The following SAMMSON variants were observed in gnomAD, a reference collection of about 807,000 sequenced individuals.
The protein encoded by SAMMSON is long intergenic non-protein coding RNA 1212.
intron 3 of SAMMSON, among the ~76,000 whole-genome samples, chr3:70,039,399 G>T (rs2067097832): frequency 6.6e-6 from 1 of 152,004 alleles, no homozygotes; most frequent in Non-Finnish European, 1.5e-5. Flanking sequence ...GCCTCACCCA[G>T]TCAGTTGAAG....
intron 7 of SAMMSON, among the ~76,000 whole-genome samples, chr3:70,299,122 G>A (rs4408841): frequency 0.21 from 31,571 of 151,972 alleles, 3,472 homozygotes; most frequent in South Asian, 0.28. Flanking sequence ...AAAATGTGAA[G>A]CAGCCTGAAT....
chr3:70,141,406 CT>C (rs1350204552), intron 4 of SAMMSON, among the ~76,000 whole-genome samples: 3 of 152,122 alleles, frequency 2.0e-5, no homozygotes, highest in African/African-American at 4.8e-5. Context: ...GCAAAGTTGC[CT>C]TTTCCCCAGC....
At chr3:70,239,236 TG>T (rs1447467819) in intron 4 of SAMMSON, among the ~76,000 whole-genome samples, 6 of 152,218 alleles carry the variant, frequency 3.9e-5, no homozygotes, top group African/African-American at 1.4e-4. Context: ...ACCTGTATCT[TG>T]TAGATATTGT....
chr3:70,416,910 G>A (rs1226923636), intron 2 of SAMMSON, among the ~76,000 whole-genome samples: 1 of 152,036 alleles, frequency 6.6e-6, no homozygotes, highest in Non-Finnish European at 1.5e-5. Flanking sequence ...CCATTGCTCA[G>A]GGTCTCTGCA....
intron 3 of SAMMSON, among the ~76,000 whole-genome samples, chr3:70,036,488 A>G (rs1256139269): frequency 1.3e-5 from 2 of 152,154 alleles, no homozygotes; most frequent in Admixed American, 1.3e-4. Context: ...ACTCAGCCAC[A>G]GTGATTGTTT....
At position 70,078,014 on chromosome 3, in the gene SAMMSON, C is replaced by T. The variant is rs1013064127; in HGVS notation, n.507+6449C>T. 4.6e-5 allele frequency among the ~76,000 whole-genome samples: 7 copies of T among 152,262 alleles called. No homozygotes were observed. In the East Asian group the frequency reaches 7.7e-4, roughly 17 times the overall value. The stretch of plus-strand genomic sequence containing the variant: ...CCGTTTATCCCTGCTGCAATACTTC[C>T]GTGCATTTCACACACTTAACCTTTA... On this transcript the variant is annotated intron_variant and non_coding_transcript_variant, in intron 4 of 9. Coordinates refer to ENST00000642114, the Ensembl canonical transcript of SAMMSON.
chr3:70,141,288 C>G (rs2106680922), intron 4 of SAMMSON, among the ~76,000 whole-genome samples: 1 of 152,278 alleles, frequency 6.6e-6, no homozygotes, highest in African/African-American at 2.4e-5. Context: ...GCTGCAGGCC[C>G]AAGGAAGTCA....
At position 70,411,123 on chromosome 3, in the gene SAMMSON, G is replaced by T. The variant is rs557581387; in HGVS notation, n.234-51437G>T. ...CATTGATCTACGTAAAATAGCACAG[G>T]TACAGCCTGTAAAGGAGATCTAAAA... On this transcript the variant is annotated intron_variant and non_coding_transcript_variant, in intron 2 of 3. Coordinates refer to the SAMMSON transcript ENST00000641053. Among the ~76,000 whole-genome samples, 3 of 152,248 alleles carry T rather than the reference G, an allele frequency of 2.0e-5. No individual in the cohort carries two copies. The South Asian group carries it at 6.2e-4, about 32-fold the overall frequency.
intron 4 of SAMMSON, among the ~76,000 whole-genome samples, chr3:70,105,286 A>G (rs1234200207): frequency 6.6e-6 from 1 of 152,210 alleles, no homozygotes; most frequent in African/African-American, 2.4e-5. Context: ...ATTTTTCACC[A>G]TTAGTCTGCC....
At chr3:70,049,026 C>T (rs756391951) in intron 3 of SAMMSON, among the ~76,000 whole-genome samples, 1 of 152,110 alleles carries the variant, frequency 6.6e-6, no homozygotes, top group Non-Finnish European at 1.5e-5. Context: ...TCATTTTGCT[C>T]TGTATTTTCT....
chr3:70,078,948 T>G (rs1000187611), intron 4 of SAMMSON, among the ~76,000 whole-genome samples: 1 of 152,174 alleles, frequency 6.6e-6, no homozygotes, highest in African/African-American at 2.4e-5. Context: ...ATGGACTAAA[T>G]CTGACCCACT....
intron 4 of SAMMSON, among the ~76,000 whole-genome samples, chr3:70,082,635 T>G (rs185940576): frequency 1.3e-5 from 2 of 152,276 alleles, no homozygotes; most frequent in Non-Finnish European, 2.9e-5. Context: ...GGAAAAAATG[T>G]GGAGTGGTAT....
At chr3:70,281,876 C>G (rs557802397) in intron 6 of SAMMSON, among the ~76,000 whole-genome samples, 41 of 152,234 alleles carry the variant, frequency 2.7e-4, no homozygotes, top group African/African-American at 9.9e-4. Flanking sequence ...TTCATCATAC[C>G]TTGGGTGAGG....
At chr3:70,016,150 C>T (rs1338678078) in intron 3 of SAMMSON, among the ~76,000 whole-genome samples, 1 of 152,198 alleles carries the variant, frequency 6.6e-6, no homozygotes, top group Non-Finnish European at 1.5e-5. Flanking sequence ...CTGTCTTCCA[C>T]AATGGATGAA....
chr3:70,266,797 T>C (rs955811104), intron 6 of SAMMSON, among the ~76,000 whole-genome samples: 2 of 152,148 alleles, frequency 1.3e-5, no homozygotes, highest in African/African-American at 4.8e-5. Context: ...ATGAATCAGC[T>C]TCAAAGCAAA....
At chr3:70,329,429 T>C (rs1409418967) in intron 7 of SAMMSON, among the ~76,000 whole-genome samples, 1 of 152,056 alleles carries the variant, frequency 6.6e-6, no homozygotes, top group Non-Finnish European at 1.5e-5. Context: ...GCTCAGTTTA[T>C]GTCTGGTTGC....
intron 2 of SAMMSON, among the ~76,000 whole-genome samples, chr3:70,416,637 A>G (rs1701266653): frequency 6.6e-6 from 1 of 152,042 alleles, no homozygotes; most frequent in Non-Finnish European, 1.5e-5. Context: ...CCAGCCACAT[A>G]ATTTCATGGC....
intron 4 of SAMMSON, among the ~76,000 whole-genome samples, chr3:70,104,011 C>G (rs1381832991): frequency 8.1e-6 from 1 of 123,076 alleles, no homozygotes; most frequent in East Asian, 2.3e-4. Context: ...TTTTTTTTTT[C>G]CTATCATAGA....
At chr3:70,076,175 G>A (rs1030100708) in intron 4 of SAMMSON, among the ~76,000 whole-genome samples, 2 of 152,098 alleles carry the variant, frequency 1.3e-5, no homozygotes, top group African/African-American at 4.8e-5. Context: ...AATCTAATAC[G>A]GGATTTAATA....
Sources: gnomAD v4.1 joint callset for allele counts (sites outside exome capture counted in the v4.1 genomes callset) on GRCh38, gnomAD v4.1.1 for gene constraint, MANE v1.5 for transcripts, NCBI Gene and HGNC (gene_info 2026-07-23, HGNC 2026-07-21) for gene names.